The following UBE2E1 variants were observed in gnomAD, a reference collection of about 807,000 sequenced individuals.
UBE2E1 encodes the protein ubiquitin-conjugating enzyme E2 E1.
Under a neutral mutation model 21.4 loss-of-function variants are expected in UBE2E1, and 6 were observed. The observed-to-expected ratio is 0.28, with a 90% CI of 0.15 to 0.55. The LOEUF (loss-of-function observed/expected upper bound fraction) is 0.55. UBE2E1 is among the 20% of genes least tolerant of loss of function. The pLI, the probability that UBE2E1 is intolerant of heterozygous loss-of-function variation, is 0.93. For missense variants in UBE2E1, 142 were observed against 236.5 expected, an observed-to-expected ratio of 0.60 and a Z score of 2.62; for synonymous variants, 87 against 82.7, an observed-to-expected ratio of 1.05 and a Z score of -0.28.
chr3:23,832,371 G>T (rs1330509505), intron 3 of UBE2E1, among the ~76,000 whole-genome samples: 1 of 152,200 alleles, frequency 6.6e-6, no homozygotes, highest in Non-Finnish European at 1.5e-5. Context: ...GGGGCTGGGC[G>T]CAGTGGCTCA....
chr3:23,830,222 T>C (rs901699025), intron 3 of UBE2E1, among the ~76,000 whole-genome samples: 1 of 152,188 alleles, frequency 6.6e-6, no homozygotes, highest in Non-Finnish European at 1.5e-5. Flanking sequence ...TAATTTATTC[T>C]GAGCCCTTTA....
At chr3:23,847,367 A>G (rs1700229951) in intron 3 of UBE2E1, among the ~76,000 whole-genome samples, 1 of 152,174 alleles carries the variant, frequency 6.6e-6, no homozygotes, top group Non-Finnish European at 1.5e-5. Context: ...GGTGATAAAC[A>G]TTAGTATGAT....
intron 3 of UBE2E1, among the ~76,000 whole-genome samples, chr3:23,859,522 C>A (rs1038523024): frequency 6.6e-6 from 1 of 152,212 alleles, no homozygotes; most frequent in Non-Finnish European, 1.5e-5. Flanking sequence ...GAAACATTAG[C>A]CCAAATGAAG....
Position 23,810,435 on chromosome 3 carries a change from AGG to A in UBE2E1, c.153-1024_153-1023del. On this transcript the variant is annotated intron_variant, in intron 2 of 5. Coordinates refer to ENST00000306627, the MANE Select transcript of UBE2E1 (RefSeq NM_003341.5). This position sits in a 1 kb window ranked among gnomAD's most constrained non-coding sequence, Gnocchi z 5.8. ...GGTTGGTGCGGAGGGAGAAAACTGC[AGG>A]TCTCCAGTCTATCCCCAGTGTGAGC... The A allele has an allele frequency of 6.5e-7, 1 of 1,535,252 alleles. No individual in the cohort carries two copies. Among genetic ancestry groups the A allele is most frequent in the Non-Finnish European group, 8.7e-7 (1 of 1,146,316 alleles).
intron 3 of UBE2E1, among the ~76,000 whole-genome samples, chr3:23,862,632 C>T (rs1424221380): frequency 6.6e-6 from 1 of 152,156 alleles, no homozygotes; most frequent in Admixed American, 6.5e-5. Context: ...AATATACCAC[C>T]ATTGTGCATG....
chr3:23,886,960 T>A (rs1356652872), intron 3 of UBE2E1, among the ~76,000 whole-genome samples: 1 of 152,200 alleles, frequency 6.6e-6, no homozygotes, highest in African/African-American at 2.4e-5. Flanking sequence ...TGGAGGAATG[T>A]CTCAAGTATT....
intron 3 of UBE2E1, among the ~76,000 whole-genome samples, chr3:23,849,958 G>T (rs980611366): frequency 6.6e-6 from 1 of 152,008 alleles, no homozygotes; most frequent in Non-Finnish European, 1.5e-5. Context: ...GTGTGTCTTT[G>T]ATTTTCATTT....
In UBE2E1 at chr3:23,809,044, T is replaced by C. The variant is rs145272547; in HGVS notation, c.152+1623T>C. Among the ~76,000 whole-genome samples the C allele has an allele frequency of 3.1e-3, 466 of 152,320 alleles. 6 individuals carry two copies. Among genetic ancestry groups the C allele is most frequent in the East Asian group, 0.013 (65 of 5,192 alleles). On this transcript the variant is annotated intron_variant, in intron 2 of 5. Coordinates refer to ENST00000306627, the MANE Select transcript of UBE2E1 (RefSeq NM_003341.5). ...GATTTTTTTCACTAGACATACTTTG[T>C]TTATTTTAAACAAGTTAAGAATTTA... is the stretch of plus-strand genomic sequence containing the variant.
chr3:23,869,789 C>T (rs560149174), intron 3 of UBE2E1, among the ~76,000 whole-genome samples: 1 of 149,744 alleles, frequency 6.7e-6, no homozygotes, highest in South Asian at 2.1e-4. Context: ...GGGAAAATTG[C>T]CTGTGTGGAA....
chr3:23,849,099 G>A (rs193246125), intron 3 of UBE2E1, among the ~76,000 whole-genome samples: 2 of 152,226 alleles, frequency 1.3e-5, no homozygotes, highest in Admixed American at 1.3e-4. Context: ...GTTTTTGCAT[G>A]GCTATATTTT....
intron 3 of UBE2E1, among the ~76,000 whole-genome samples, chr3:23,864,450 T>A (rs931789270): frequency 2.6e-5 from 4 of 152,212 alleles, no homozygotes; most frequent in Non-Finnish European, 4.4e-5. Flanking sequence ...AATTGTTGTA[T>A]CTTTTCTCTC....
intron 3 of UBE2E1, among the ~76,000 whole-genome samples, chr3:23,875,552 CG>C (rs1261561417): frequency 1.3e-5 from 2 of 152,160 alleles, no homozygotes; most frequent in Admixed American, 1.3e-4. Flanking sequence ...AAAATTCCTT[CG>C]GAAGTTTATC....
chr3:23,889,527 C>T, intron 5 of UBE2E1: 1 of 1,379,114 alleles, frequency 7.3e-7, no homozygotes, highest in East Asian at 2.7e-5. Context: ...TATTCTTCCT[C>T]CTTTTTTTTT....
At position 23,852,530 on chromosome 3, in the gene UBE2E1, A is replaced by G. The variant is rs115814634; in HGVS notation, c.204-35037A>G. Reference sequence around the variant, plus strand: ...TTTAGTGGATTTGAGTTTTCTCTCTACAAGATCATGTCATCTGCAAATACA... The same window carrying G: ...TTTAGTGGATTTGAGTTTTCTCTCTGCAAGATCATGTCATCTGCAAATACA... On this transcript the variant is annotated intron_variant, in intron 3 of 5. Coordinates refer to ENST00000306627, the MANE Select transcript of UBE2E1 (RefSeq NM_003341.5). Among the ~76,000 whole-genome samples, 819 of 152,318 alleles carry G rather than the reference A, an allele frequency of 5.4e-3. 6 individuals are homozygous for G. The highest frequency in any genetic ancestry group is 0.019 in the African/African-American group (800 of 41,584).
intron 3 of UBE2E1, among the ~76,000 whole-genome samples, chr3:23,860,394 T>C (rs570572173): frequency 1.4e-4 from 21 of 152,334 alleles, no homozygotes; most frequent in African/African-American, 4.6e-4. Flanking sequence ...GTGGGGCTCA[T>C]TGTTAATGGA....
intron 3 of UBE2E1, among the ~76,000 whole-genome samples, chr3:23,877,329 T>C (rs1700938181): frequency 6.6e-6 from 1 of 152,102 alleles, no homozygotes; most frequent in South Asian, 2.1e-4. Flanking sequence ...AAAATAAGAC[T>C]GGGCACTGGA....
At chr3:23,813,820 C>A (rs554692057) in intron 3 of UBE2E1, among the ~76,000 whole-genome samples, 1 of 152,196 alleles carries the variant, frequency 6.6e-6, no homozygotes, top group South Asian at 2.1e-4. Flanking sequence ...GGGTTACGGG[C>A]GTGAGCCACT....
Position 23,889,150 on chromosome 3 carries a change from C to T in UBE2E1, c.375C>T (p.Asn125=), listed in dbSNP as rs1187742545. 6.2e-7 allele frequency: 1 copy of T among 1,608,646 alleles called. No individual in the cohort carries two copies. The highest frequency in any genetic ancestry group is 1.7e-5 in the Admixed American group (1 of 59,116). ...CAAGAATCTATCATTGTAATATTAA[C>T]AGTCAAGGTGTTATTTGCTTGGACA... ...FRTRIYHCNI[N]SQGVICLDIL... The change falls in exon 5 of 6, where the codon AAC becomes AAT. Residue 125 remains asparagine (N), a synonymous_variant. Coordinates refer to ENST00000306627, the MANE Select transcript of UBE2E1 (RefSeq NM_003341.5).
intron 3 of UBE2E1, among the ~76,000 whole-genome samples, chr3:23,834,440 CCTCTGTAGCATGTCCCATTA>C (rs1699935207): frequency 6.6e-6 from 1 of 152,208 alleles, no homozygotes; most frequent in Non-Finnish European, 1.5e-5. Context: ...TCTCACATAA[CCTCTGTAGCATGTCCCATTA>C]CTCTGTAGCT....
Sources: allele counts gnomAD v4.1 joint callset (sites outside exome capture counted in the v4.1 genomes callset), GRCh38; gene constraint gnomAD v4.1.1; non-coding constraint Gnocchi (gnomAD v3.1); transcripts MANE v1.5; gene names NCBI Gene and HGNC (gene_info 2026-07-23, HGNC 2026-07-21).